TMEM47: variants seen among roughly 807,000 people sequenced by gnomAD.
TMEM47 encodes the protein brain cell membrane protein 1.
A neutral mutation model predicts 12.4 loss-of-function variants in TMEM47; 3 were observed. The observed-to-expected ratio is 0.24, with a 90% CI of 0.11 to 0.63. The LOEUF (loss-of-function observed/expected upper bound fraction) is 0.63. Among genes scored for constraint, TMEM47 ranks in the 20% least tolerant of loss-of-function variants. The pLI is 0.86. For missense variants in TMEM47, 89 were observed against 143.8 expected, an observed-to-expected ratio of 0.62 and a Z score of 1.95; for synonymous variants, 62 against 63.3, an observed-to-expected ratio of 0.98 and a Z score of 0.10.
At chrX:34,651,326 T>C (rs1302441309) in intron 1 of TMEM47, among the ~76,000 whole-genome samples, 1 of 112,010 alleles carries the variant, frequency 8.9e-6, no homozygotes, top group Non-Finnish European at 1.9e-5. Context: ...AAGACCACAA[T>C]GCTAGAAAGG....
Position 34,657,037 on chromosome X carries a change from C to A in TMEM47, c.-8G>T. On this transcript the variant is annotated 5_prime_UTR_variant, in exon 1 of 3. Coordinates refer to ENST00000275954, the MANE Select transcript of TMEM47 (RefSeq NM_031442.4). Reference sequence around the variant, plus strand: ...GCTGCCCGCCGAAGCCATTCCTGGGCGCCGCTGTCGTCCGCCCCGCCGCAG... The same window carrying A: ...GCTGCCCGCCGAAGCCATTCCTGGGAGCCGCTGTCGTCCGCCCCGCCGCAG... 1 of 1,135,322 alleles carries A rather than the reference C, an allele frequency of 8.8e-7. No homozygotes were observed. The highest frequency in any genetic ancestry group is 2.1e-5 in the South Asian group (1 of 47,826). 93.6% of individuals were successfully genotyped at this position (1,135,322 alleles called of 1,213,427 possible). A position where few individuals can be genotyped will look rare whatever the true frequency, so the allele number is the denominator to read the frequency against.
intron 1 of TMEM47, among the ~76,000 whole-genome samples, chrX:34,642,534 A>G (rs7881333): frequency 0.026 from 2,867 of 111,917 alleles, 73 homozygotes; most frequent in African/African-American, 0.083. Context: ...TAGCACAGGA[A>G]ATACTTCTAA....
At chrX:34,637,636 GTTTACATGCCTGT>G (rs1233326845) in intron 2 of TMEM47, among the ~76,000 whole-genome samples, 1 of 110,712 alleles carries the variant, frequency 9.0e-6, no homozygotes, top group Non-Finnish European at 1.9e-5. Flanking sequence ...TTACTTATTT[GTTTACATGCCTGT>G]TTTACCCCAC....
At chrX:34,650,104 A>G (rs1921989607) in intron 1 of TMEM47, among the ~76,000 whole-genome samples, 1 of 112,533 alleles carries the variant, frequency 8.9e-6, no homozygotes, top group South Asian at 3.6e-4. Flanking sequence ...AGTCATGGTT[A>G]AAATGTAAAT....
rs186839679 is a variant in TMEM47, at chrX:34,647,770, T to C, written c.227-8383A>G. On this transcript the variant is annotated intron_variant, in intron 1 of 2. Transcript: ENST00000275954. The stretch of plus-strand genomic sequence containing the variant: ...CAATCTTTTTGGATAAATTAATACA[T>C]ACTTTTAATAAAGCCAGAATGCAAT... 1.7e-4 allele frequency among the ~76,000 whole-genome samples: 19 copies of C among 112,423 alleles called. 1 individual carries two copies. In the East Asian group the frequency reaches 2.5e-3, roughly 15 times the overall value.
chrX:34,655,828 C>G (rs1265047805), intron 1 of TMEM47, among the ~76,000 whole-genome samples: 2 of 111,369 alleles, frequency 1.8e-5, no homozygotes, highest in Non-Finnish European at 3.8e-5. Context: ...GGCAGGTCCT[C>G]TCTCTTTATT....
At chrX:34,641,408 T>G (rs900985619) in intron 1 of TMEM47, among the ~76,000 whole-genome samples, 1 of 112,258 alleles carries the variant, frequency 8.9e-6, no homozygotes, top group African/African-American at 3.2e-5. Context: ...TTAGCAACTT[T>G]CCCTAAATTA....
At chrX:34,652,359 A>C (rs1367084532) in intron 1 of TMEM47, among the ~76,000 whole-genome samples, 1 of 112,380 alleles carries the variant, frequency 8.9e-6, no homozygotes, top group African/African-American at 3.2e-5. Context: ...AGCACTGACT[A>C]TATCTATGGT....
intron 1 of TMEM47, among the ~76,000 whole-genome samples, chrX:34,645,686 T>C (rs1330051208): frequency 8.9e-6 from 1 of 112,114 alleles, no homozygotes; most frequent in Non-Finnish European, 1.9e-5. Flanking sequence ...ATTCTGATTC[T>C]AATTTCAATA....
chrX:34,640,825 C>A (rs1389444462), intron 1 of TMEM47, among the ~76,000 whole-genome samples: 5 of 111,572 alleles, frequency 4.5e-5, no homozygotes, highest in Non-Finnish European at 1.9e-5. Context: ...TCTTCCCCTC[C>A]TACGAAATTG....
intron 1 of TMEM47, among the ~76,000 whole-genome samples, chrX:34,646,918 T>C (rs5928615): frequency 0.092 from 10,196 of 111,178 alleles, 405 homozygotes; most frequent in South Asian, 0.19. Flanking sequence ...CTTTGCACAT[T>C]TATTTAATTA....
At chrX:34,644,395 T>C (rs748315664) in intron 1 of TMEM47, among the ~76,000 whole-genome samples, 1 of 112,526 alleles carries the variant, frequency 8.9e-6, no homozygotes, top group Non-Finnish European at 1.9e-5. Context: ...ATTATAACTG[T>C]CCAATTGGAG....
Position 34,657,129 on chromosome X carries a change from G to A in TMEM47, c.-100C>T. The A allele has an allele frequency of 9.6e-7, 1 of 1,042,662 alleles. No individual in the cohort carries two copies. Among genetic ancestry groups the A allele is most frequent in the Non-Finnish European group, 1.2e-6 (1 of 817,954 alleles). 85.9% of individuals were successfully genotyped at this position (1,042,662 alleles called of 1,213,427 possible). A position where few individuals can be genotyped will look rare whatever the true frequency, so the allele number is the denominator to read the frequency against. On this transcript the variant is annotated 5_prime_UTR_variant, in exon 1 of 3. Transcript: ENST00000275954. ...TCCCGAAGGGAGAAGCCGCCGAGCT[G>A]CCACGCGCGGGGACTCGCTCCCTCG...
In TMEM47 at chrX:34,639,265, C is replaced by T; in HGVS notation, c.349G>A (p.Val117Ile). 1 of 1,194,287 alleles carries T rather than the reference C, an allele frequency of 8.4e-7. No homozygotes were observed. Among genetic ancestry groups the T allele is most frequent in the Non-Finnish European group, 1.1e-6 (1 of 886,330 alleles). The change falls in exon 2 of 3, where the codon GTC becomes ATC. Residue 117 changes from valine to isoleucine, a missense_variant. Physicochemically the swap from Val to Ile is conservative, Grantham distance 29 (BLOSUM62 3). Transcript: ENST00000275954. Reference protein sequence around the residue: ...SRRRFYRPVAVMLFAAVVLQV... With the variant: ...SRRRFYRPVAIMLFAAVVLQV... ...TGTTTACCTGCTGCAAAAAGCATGA[C>T]CGCAACAGGTCTATAGAAACGCCTT...
intron 2 of TMEM47, among the ~76,000 whole-genome samples, chrX:34,635,626 G>T (rs1921702351): frequency 9.0e-6 from 1 of 110,974 alleles, no homozygotes. Flanking sequence ...AAAAGTCAGG[G>T]AATCTAAAGA....
At chrX:34,632,235 T>C (rs1011977383) in intron 2 of TMEM47, among the ~76,000 whole-genome samples, 10 of 111,560 alleles carry the variant, frequency 9.0e-5, no homozygotes, top group African/African-American at 2.9e-4. Context: ...AACAAAAATG[T>C]GAATAATTAA....
At chrX:34,644,955 GA>G (rs933498221) in intron 1 of TMEM47, among the ~76,000 whole-genome samples, 20 of 111,359 alleles carry the variant, frequency 1.8e-4, no homozygotes, top group African/African-American at 6.5e-4. Context: ...TAATTCACCA[GA>G]CAACTTAGAA....
intron 1 of TMEM47, among the ~76,000 whole-genome samples, chrX:34,650,982 G>A (rs1194024273): frequency 3.3e-5 from 3 of 89,995 alleles, no homozygotes; most frequent in Non-Finnish European, 6.3e-5. Context: ...AAGACAAACT[G>A]GTTGGCCGTT....
intron 1 of TMEM47, 75 bp from the exon 2 acceptor site, chrX:34,639,462 A>G: frequency 9.9e-7 from 1 of 1,007,921 alleles, no homozygotes; most frequent in Non-Finnish European, 1.4e-6. Flanking sequence ...AGCAGCCTTC[A>G]CCTTGCAGTG....
Sources: allele counts gnomAD v4.1 joint callset (sites outside exome capture counted in the v4.1 genomes callset), GRCh38; gene constraint gnomAD v4.1.1; transcripts MANE v1.5; gene names NCBI Gene and HGNC (gene_info 2026-07-23, HGNC 2026-07-21).